The following SIK3 variants were observed in gnomAD, a reference collection of about 807,000 sequenced individuals.
SIK3 encodes serine/threonine-protein kinase SIK3.
A neutral mutation model predicts 144.2 loss-of-function variants in SIK3; 28 were observed. That is an observed-to-expected ratio of 0.19 (90% CI 0.14 to 0.27). The LOEUF (loss-of-function observed/expected upper bound fraction) is 0.27. Ranked by LOEUF, SIK3 falls within the 10% of genes least tolerant of loss-of-function variation. The probability of loss-of-function intolerance (pLI) is 1.00; values close to 1 mark genes in which losing one functional copy is unlikely to be tolerated. For synonymous variants in SIK3, 686 were observed against 676.3 expected, an observed-to-expected ratio of 1.01 and a Z score of -0.22; for missense variants, 1,319 against 1,776.0, an observed-to-expected ratio of 0.74 and a Z score of 4.62.
At chr11:116,971,191 A>G (rs73594105) in intron 1 of SIK3, among the ~76,000 whole-genome samples, 2,168 of 152,344 alleles carry the variant, frequency 0.014, 63 homozygotes, top group African/African-American at 0.049. Context: ...AATAATATTG[A>G]CATTAATTTC....
chr11:117,042,740 T>A (rs951300863), intron 1 of SIK3, among the ~76,000 whole-genome samples: 1 of 152,212 alleles, frequency 6.6e-6, no homozygotes, highest in African/African-American at 2.4e-5. Flanking sequence ...TAAAATAATA[T>A]CTTTCTCTGT....
chr11:116,917,165 AGT>A lies in SIK3; in HGVS notation c.616+10052_616+10053del, dbSNP rs1308771953. ...ACAATAAAGACTCCCTCAGAATCAG[AGT>A]GAAGGAGCACTCTGGGTGATTCGTT... On this transcript the variant is annotated intron_variant, in intron 4 of 24. Coordinates refer to ENST00000445177, the MANE Select transcript of SIK3 (RefSeq NM_001366686.3). Among the ~76,000 whole-genome samples the A allele has an allele frequency of 1.6e-4, 25 of 152,116 alleles. No individual in the cohort carries two copies. The East Asian group carries it at 4.7e-3, about 28-fold the overall frequency.
rs765365919 is a variant in SIK3 at position 116,875,477 on chromosome 11, C to G, written c.1240-26G>C. The G allele has an allele frequency of 3.1e-6, 5 of 1,605,278 alleles. No individual in the cohort carries two copies. The South Asian group carries it at 4.4e-5, about 14-fold the overall frequency. On this transcript the variant is annotated intron_variant, in intron 9 of 24. Transcript: ENST00000445177. ...CTGGAAAGCAGTACATACATATACA[C>G]GCATACCTTTAACACTAGAGAGAAA...
At chr11:116,855,920 G>A (rs1029066687) in intron 21 of SIK3, among the ~76,000 whole-genome samples, 27 of 152,198 alleles carry the variant, frequency 1.8e-4, no homozygotes, top group Admixed American at 9.2e-4. Flanking sequence ...GAGCTCAGCC[G>A]GGCGCGGTGG....
At chr11:117,050,556 C>G (rs539329842) in intron 1 of SIK3, among the ~76,000 whole-genome samples, 1 of 150,222 alleles carries the variant, frequency 6.7e-6, no homozygotes, top group Non-Finnish European at 1.5e-5. Flanking sequence ...CGTGGTGGCA[C>G]ACGCCTGTAA....
At chr11:116,953,962 G>A in intron 3 of SIK3, 82 bp downstream of exon 3, 1 of 1,047,730 alleles carries the variant, frequency 9.5e-7, no homozygotes, top group Non-Finnish European at 1.5e-6. Flanking sequence ...TGCTGCTCAA[G>A]TGACAAAGGC....
At chr11:117,082,732 T>TA (rs1198431228) in intron 1 of SIK3, among the ~76,000 whole-genome samples, 1 of 151,886 alleles carries the variant, frequency 6.6e-6, no homozygotes, top group Non-Finnish European at 1.5e-5. Flanking sequence ...TGAATACACT[T>TA]AAAAAAAATT....
At chr11:117,073,776 A>C (rs868250827) in intron 1 of SIK3, among the ~76,000 whole-genome samples, 3 of 152,228 alleles carry the variant, frequency 2.0e-5, no homozygotes, top group Admixed American at 1.3e-4. Context: ...CTCCGGAGGA[A>C]GAAGGCTGTT....
At chr11:117,058,223 T>G (rs1252609389) in intron 1 of SIK3, among the ~76,000 whole-genome samples, 1 of 152,032 alleles carries the variant, frequency 6.6e-6, no homozygotes, top group Non-Finnish European at 1.5e-5. Context: ...CCTGTTAAAC[T>G]TAAGAATTTT....
chr11:116,978,919 T>C (rs1217848036), intron 1 of SIK3, among the ~76,000 whole-genome samples: 3 of 152,226 alleles, frequency 2.0e-5, no homozygotes, highest in East Asian at 1.9e-4. Flanking sequence ...GGTCACCCTT[T>C]TATAAATATA....
chr11:116,855,083 C>CAAAAAAAAAAAAAAAAAA (rs528405922), intron 21 of SIK3, among the ~76,000 whole-genome samples: 6 of 82,092 alleles, frequency 7.3e-5, no homozygotes, highest in African/African-American at 2.2e-4. Context: ...GAGACTCTGC[C>CAAAAAAAAAAAAAAAAAA]AAAAAAAAAA....
chr11:116,921,332 G>A (rs1433018682), intron 4 of SIK3, among the ~76,000 whole-genome samples: 1 of 152,124 alleles, frequency 6.6e-6, no homozygotes, highest in Non-Finnish European at 1.5e-5. Flanking sequence ...TAATTTTGGT[G>A]TTACCAACTT....
rs537246028 is a variant in SIK3 at position 116,861,655 on chromosome 11, G to C, written c.2315+186C>G. On this transcript the variant is annotated intron_variant, in intron 18 of 24. Transcript: ENST00000445177. ...CAGATTACTTTGCTCATGGGGCTAA[G>C]GAAATGAAGTGGCACAGGAAGTTGG... 5.3e-5 allele frequency among the ~76,000 whole-genome samples: 8 copies of C among 152,298 alleles called. No individual in the cohort carries two copies. In the South Asian group the frequency reaches 6.2e-4, roughly 12 times the overall value.
chr11:117,031,687 A>C (rs1200009889), intron 1 of SIK3, among the ~76,000 whole-genome samples: 2 of 81,512 alleles, frequency 2.5e-5, no homozygotes, highest in Non-Finnish European at 4.4e-5. Context: ...CACCCGGCTA[A>C]TTTTTTTTTT....
intron 4 of SIK3, among the ~76,000 whole-genome samples, chr11:116,920,999 C>T (rs971736260): frequency 4.6e-5 from 7 of 152,210 alleles, no homozygotes; most frequent in Middle Eastern, 3.2e-3. Context: ...GTTAAGGATA[C>T]TATCATCCAG....
At chr11:116,954,659 G>A (rs758485513) in intron 2 of SIK3, among the ~76,000 whole-genome samples, 13 of 151,996 alleles carry the variant, frequency 8.6e-5, no homozygotes, top group Non-Finnish European at 1.0e-4. Context: ...TTAAAGTAAC[G>A]TAAGTGATTT....
chr11:117,008,093 A>G (rs1951120655), intron 1 of SIK3, among the ~76,000 whole-genome samples: 1 of 150,936 alleles, frequency 6.6e-6, no homozygotes, highest in South Asian at 2.1e-4. Flanking sequence ...AAAAAAAAAA[A>G]AAAAAAAAAA....
intron 1 of SIK3, among the ~76,000 whole-genome samples, chr11:117,007,795 C>T (rs908450205): frequency 2.0e-5 from 3 of 152,136 alleles, no homozygotes; most frequent in Non-Finnish European, 2.9e-5. Flanking sequence ...TTAAAAAATG[C>T]ACTGCCACCC....
At chr11:117,050,131 G>C (rs191364345) in intron 1 of SIK3, among the ~76,000 whole-genome samples, 1 of 151,314 alleles carries the variant, frequency 6.6e-6, no homozygotes, top group East Asian at 2.0e-4. Context: ...CTCTTCAAAA[G>C]TACAAAAATA....
Sources: gnomAD v4.1 joint callset for allele counts (sites outside exome capture counted in the v4.1 genomes callset) on GRCh38, gnomAD v4.1.1 for gene constraint, MANE v1.5 for transcripts, NCBI Gene and HGNC (gene_info 2026-07-23, HGNC 2026-07-21) for gene names.